The following KCNH8 variants were observed in gnomAD, a reference collection of about 807,000 sequenced individuals.
The protein encoded by KCNH8 is voltage-gated delayed rectifier potassium channel KCNH8.
Under a neutral mutation model 103.6 loss-of-function variants are expected in KCNH8, and 70 were observed. The ratio of observed to expected loss-of-function variants is 0.68; its 90% confidence interval spans 0.56 to 0.82. KCNH8 has a LOEUF of 0.82. Ranked by LOEUF, KCNH8 falls within the 40% of genes least tolerant of loss-of-function variation. The probability of loss-of-function intolerance (pLI) is 0.00; values close to 1 mark genes in which losing one functional copy is unlikely to be tolerated. For missense variants in KCNH8, 1,217 were observed against 1,329.9 expected (o/e 0.92, Z 1.32); for synonymous variants, 498 against 489.4 (o/e 1.02, Z -0.23).
At chr3:19,366,743 G>A (rs940368225) in intron 5 of KCNH8, among the ~76,000 whole-genome samples, 5 of 151,954 alleles carry the variant, frequency 3.3e-5, no homozygotes, top group African/African-American at 1.2e-4. Flanking sequence ...TTCCATCTCA[G>A]TCCATGGTGT....
intron 5 of KCNH8, among the ~76,000 whole-genome samples, chr3:19,389,715 C>T (rs2066407478): frequency 6.6e-6 from 1 of 152,056 alleles, no homozygotes; most frequent in South Asian, 2.1e-4. Flanking sequence ...GAAGCCTCAA[C>T]TTCCTGGGCT....
intron 3 of KCNH8, among the ~76,000 whole-genome samples, chr3:19,337,555 C>G (rs1051814250): frequency 6.6e-6 from 1 of 151,908 alleles, no homozygotes; most frequent in African/African-American, 2.4e-5. Context: ...TTTTTCATCA[C>G]TGAAAGAAAA....
intron 3 of KCNH8, among the ~76,000 whole-genome samples, chr3:19,294,322 A>G (rs964018336): frequency 1.3e-5 from 2 of 152,198 alleles, no homozygotes; most frequent in African/African-American, 4.8e-5. Context: ...ATGTACTTCG[A>G]ATATTTTAAT....
intron 3 of KCNH8, among the ~76,000 whole-genome samples, chr3:19,283,118 T>C (rs1364394738): frequency 6.6e-6 from 1 of 152,156 alleles, no homozygotes; most frequent in Non-Finnish European, 1.5e-5. Flanking sequence ...AATTATATTC[T>C]TCTTCTTTTC....
At chr3:19,371,665 G>T (rs376918935) in intron 5 of KCNH8, among the ~76,000 whole-genome samples, 27 of 150,770 alleles carry the variant, frequency 1.8e-4, no homozygotes, top group East Asian at 7.8e-4. Flanking sequence ...TTTTGGTGTT[G>T]TAGACATGAA....
At chr3:19,222,065 G>A (rs2063881495) in intron 1 of KCNH8, among the ~76,000 whole-genome samples, 1 of 152,100 alleles carries the variant, frequency 6.6e-6, no homozygotes, top group Non-Finnish European at 1.5e-5. Flanking sequence ...TAGCCAGGAT[G>A]GTCTTGATCT....
At chr3:19,507,282 C>G (rs186180353) in intron 11 of KCNH8, among the ~76,000 whole-genome samples, 3 of 152,292 alleles carry the variant, frequency 2.0e-5, no homozygotes, top group East Asian at 3.9e-4. Flanking sequence ...GTGGCAATGA[C>G]GGAGAGGCTG....
chr3:19,449,291 C>CATATAT (rs71055066), intron 8 of KCNH8, among the ~76,000 whole-genome samples: 259 of 140,168 alleles, frequency 1.8e-3, no homozygotes, highest in Admixed American at 3.6e-3. Flanking sequence ...ACAAGAGTCC[C>CATATAT]ATATATATAT....
chr3:19,425,198 A>G (rs2067010611), intron 7 of KCNH8, among the ~76,000 whole-genome samples: 1 of 152,180 alleles, frequency 6.6e-6, no homozygotes, highest in East Asian at 1.9e-4. Context: ...TAAATGCCTT[A>G]TATTTACCTG....
intron 1 of KCNH8, among the ~76,000 whole-genome samples, chr3:19,171,864 T>A (rs534848595): frequency 0.015 from 2,255 of 152,250 alleles, 49 homozygotes; most frequent in African/African-American, 0.05. Flanking sequence ...GTTGGTTAGT[T>A]TGTTGGTTTT....
rs113132967 is a variant in KCNH8 at position 19,513,467 on chromosome 3, A to T, written c.2435+142A>T. 4.7e-3 allele frequency: 5,546 copies of T among 1,189,606 alleles called. 16 individuals carry two copies. Among genetic ancestry groups the T allele is most frequent in the Non-Finnish European group, 5.5e-3 (4,781 of 863,936 alleles). The allele number at this position is 1,189,606 out of a possible 1,614,324, so 73.7% of individuals were successfully genotyped here. A position where few individuals can be genotyped will look rare whatever the true frequency, so the allele number is the denominator to read the frequency against. ...TCAGCTTTTCTGAGTTTTGTGGGCA[A>T]TTTTTTGAGTTTATGTGCAAGTGTG... On this transcript the variant is annotated intron_variant, in intron 13 of 15. Coordinates refer to ENST00000328405, the MANE Select transcript of KCNH8 (RefSeq NM_144633.3).
rs552508991 is a variant in KCNH8 at position 19,277,760 on chromosome 3, G to C, written c.311-3438G>C. On this transcript the variant is annotated intron_variant, in intron 2 of 15. Coordinates refer to ENST00000328405, the MANE Select transcript of KCNH8 (RefSeq NM_144633.3). ...CCAAAAATAGATTTTTCCATATAAG[G>C]TAAAAACCTTGTTTTCTCTCCACAA... 1.0e-3 allele frequency among the ~76,000 whole-genome samples: 152 copies of C among 152,092 alleles called. 1 individual carries two copies. The highest frequency in any genetic ancestry group is 3.0e-3 in the African/African-American group (125 of 41,508).
At chr3:19,303,648 G>C (rs1218176474) in intron 3 of KCNH8, among the ~76,000 whole-genome samples, 1 of 152,118 alleles carries the variant, frequency 6.6e-6, no homozygotes, top group African/African-American at 2.4e-5. Flanking sequence ...AAATTAGTGG[G>C]ATCAGTATCT....
chr3:19,381,506 A>T (rs1446016945), intron 5 of KCNH8, among the ~76,000 whole-genome samples: 1 of 152,202 alleles, frequency 6.6e-6, no homozygotes, highest in Non-Finnish European at 1.5e-5. Context: ...GACACAATTT[A>T]TGTGAAAATA....
chr3:19,210,123 T>G (rs2063755836), intron 1 of KCNH8, among the ~76,000 whole-genome samples: 1 of 152,104 alleles, frequency 6.6e-6, no homozygotes, highest in African/African-American at 2.4e-5. Flanking sequence ...TAAAAGGTTA[T>G]TTAGAATTTC....
At chr3:19,294,487 C>G (rs1219221206) in intron 3 of KCNH8, among the ~76,000 whole-genome samples, 1 of 152,080 alleles carries the variant, frequency 6.6e-6, no homozygotes, top group Non-Finnish European at 1.5e-5. Context: ...GATACTTTAT[C>G]CCAGGAAATA....
At chr3:19,380,707 C>T (rs2125124302) in intron 5 of KCNH8, among the ~76,000 whole-genome samples, 1 of 152,334 alleles carries the variant, frequency 6.6e-6, no homozygotes, top group Non-Finnish European at 1.5e-5. Flanking sequence ...TGGATTATAA[C>T]ATAGCTAGAG....
intron 1 of KCNH8, among the ~76,000 whole-genome samples, chr3:19,251,510 T>C (rs1284541662): frequency 6.6e-6 from 1 of 152,000 alleles, no homozygotes; most frequent in African/African-American, 2.4e-5. Context: ...CTGAGTAGTG[T>C]GGATTTTGTT....
intron 5 of KCNH8, among the ~76,000 whole-genome samples, chr3:19,388,148 G>A (rs2066385133): frequency 6.6e-6 from 1 of 151,862 alleles, no homozygotes; most frequent in African/African-American, 2.4e-5. Context: ...ACTTATTCAA[G>A]GAATTTATCC....
Sources: gnomAD v4.1 joint callset for allele counts (sites outside exome capture counted in the v4.1 genomes callset) on GRCh38, gnomAD v4.1.1 for gene constraint, MANE v1.5 for transcripts, NCBI Gene and HGNC (gene_info 2026-07-23, HGNC 2026-07-21) for gene names.